Variants in GPC3 observed in about 807,000 individuals in gnomAD.
The protein encoded by GPC3 is glypican 3.
GPC3 carries 3 observed loss-of-function variants against 34.4 expected under a neutral mutation model. The ratio of observed to expected loss-of-function variants is 0.09; its 90% CI spans 0.04 to 0.23. The LOEUF (loss-of-function observed/expected upper bound fraction) is 0.23, where lower values mean the gene tolerates loss of function less well. GPC3 is among the 10% of genes least tolerant of loss of function. The pLI, the probability that GPC3 is intolerant of heterozygous loss-of-function variation, is 1.00. For synonymous variants in GPC3, 177 were observed against 174.0 expected (o/e 1.02, Z -0.13); for missense variants, 351 against 445.6 (o/e 0.79, Z 1.91).
At chrX:133,802,652 T>C (rs754778217) in intron 2 of GPC3, among the ~76,000 whole-genome samples, 3 of 112,051 alleles carry the variant, frequency 2.7e-5, no homozygotes, top group East Asian at 2.8e-4. Context: ...ATAACACATA[T>C]AAAACTGTTC....
At chrX:133,589,709 G>A (rs751481253) in intron 7 of GPC3, among the ~76,000 whole-genome samples, 3 of 111,506 alleles carry the variant, frequency 2.7e-5, no homozygotes, top group African/African-American at 3.3e-5. Context: ...ATGTGGAACC[G>A]TGAGTCCATT....
chrX:133,671,212 T>C (rs2070824000), intron 5 of GPC3: 1 of 1,176,382 alleles, frequency 8.5e-7, no homozygotes. Context: ...GCATGATTTA[T>C]GATTCCCTGG....
At chrX:133,690,497 T>G (rs2071050739) in intron 5 of GPC3, among the ~76,000 whole-genome samples, 1 of 111,186 alleles carries the variant, frequency 9.0e-6, no homozygotes, top group African/African-American at 3.3e-5. Context: ...TTCATCTGGC[T>G]CCAAAGCCTT....
rs1199238157 is a variant in GPC3 at position 133,558,940 on chromosome X, T to A, written c.1574-22647A>T. Among the ~76,000 whole-genome samples the A allele has an allele frequency of 1.4e-4, 15 of 107,246 alleles. No homozygotes were observed. The South Asian group carries it at 1.6e-3, about 11-fold the overall frequency. The allele number at this position is 107,246 out of a possible 115,157, so 93.1% of individuals were successfully genotyped here. A position where few individuals can be genotyped will look rare whatever the true frequency, so the allele number is the denominator to read the frequency against. ...ATAAATAAATAAATAAATAAATAAATAAAAATAAATGTGTCCTCATGAATA... is the reference window on the plus strand; with the variant it reads ...ATAAATAAATAAATAAATAAATAAAAAAAAATAAATGTGTCCTCATGAATA... On this transcript the variant is annotated intron_variant, in intron 7 of 7. Coordinates refer to ENST00000370818, the MANE Select transcript of GPC3 (RefSeq NM_004484.4).
chrX:133,647,677 G>C (rs1448357017), intron 6 of GPC3, among the ~76,000 whole-genome samples: 1 of 111,742 alleles, frequency 8.9e-6, no homozygotes, highest in Non-Finnish European at 1.9e-5. Flanking sequence ...TTGTGAGGCT[G>C]TCACGAAACA....
chrX:133,855,987 C>T (rs954912766), intron 2 of GPC3, among the ~76,000 whole-genome samples: 6 of 111,725 alleles, frequency 5.4e-5, no homozygotes, highest in Admixed American at 9.5e-5. Context: ...AACAGTATTC[C>T]ATCATACACA....
chrX:133,917,789 G>T (rs1384407239), intron 2 of GPC3, among the ~76,000 whole-genome samples: 1 of 111,556 alleles, frequency 9.0e-6, no homozygotes. Flanking sequence ...CTCAAATACT[G>T]CTGGTTCATC....
At chrX:133,723,729 G>A (rs950794717) in intron 3 of GPC3, among the ~76,000 whole-genome samples, 1 of 111,567 alleles carries the variant, frequency 9.0e-6, no homozygotes, top group Non-Finnish European at 1.9e-5. Context: ...TTTGCCTTCT[G>A]CCATGAGTGG....
intron 2 of GPC3, among the ~76,000 whole-genome samples, chrX:133,802,471 TG>T (rs1367372853): frequency 8.9e-6 from 1 of 111,939 alleles, no homozygotes; most frequent in Non-Finnish European, 1.9e-5. Flanking sequence ...TTTTGCCCCA[TG>T]GGAAAACTCA....
intron 7 of GPC3, among the ~76,000 whole-genome samples, chrX:133,578,552 G>T (rs958512972): frequency 3.6e-5 from 4 of 111,985 alleles, no homozygotes; most frequent in Admixed American, 9.4e-5. Context: ...CCAGGCACAT[G>T]CCTGTAGTCC....
At chrX:133,976,259 A>T (rs2124649502) in intron 1 of GPC3, among the ~76,000 whole-genome samples, 1 of 111,945 alleles carries the variant, frequency 8.9e-6, no homozygotes, top group South Asian at 3.8e-4. Flanking sequence ...TGAGTGTACA[A>T]ATATGTGTGT....
chrX:133,721,787 T>C (rs1178359031), intron 3 of GPC3, among the ~76,000 whole-genome samples: 1 of 111,755 alleles, frequency 8.9e-6, no homozygotes, highest in Non-Finnish European at 1.9e-5. Flanking sequence ...CTTCACACCA[T>C]ATACCAAAAT....
chrX:133,552,139 T>C (rs2124277541), intron 7 of GPC3, among the ~76,000 whole-genome samples: 1 of 112,461 alleles, frequency 8.9e-6, no homozygotes, highest in African/African-American at 3.2e-5. Context: ...CTATGAGAGT[T>C]TGGACAGCCA....
chrX:133,796,137 G>A (rs1179299669), intron 2 of GPC3, among the ~76,000 whole-genome samples: 1 of 109,294 alleles, frequency 9.1e-6, no homozygotes, highest in Non-Finnish European at 1.9e-5. Context: ...AGTAGAGACG[G>A]AGTTTCACCG....
At chrX:133,648,006 C>G (rs761028810) in intron 6 of GPC3, among the ~76,000 whole-genome samples, 190 of 112,174 alleles carry the variant, frequency 1.7e-3, no homozygotes, top group Non-Finnish European at 3.0e-3. Context: ...ACTGTGGGAC[C>G]TGGAGAAGCT....
Position 133,573,856 on chromosome X carries a change from T to C in GPC3, c.1573+22584A>G, listed in dbSNP as rs183389312. Among the ~76,000 whole-genome samples, 67 of 112,424 alleles carry C rather than the reference T, an allele frequency of 6.0e-4. No homozygotes were observed. In the East Asian group the frequency reaches 0.017, roughly 28 times the overall value. On this transcript the variant is annotated intron_variant, in intron 7 of 7. Transcript: ENST00000370818. ...CTGCTTGTTTTGTTCCTACTCTTTG[T>C]TCCCACTTTTTGGCTATAAACAAGT...
At chrX:133,636,052 C>T (rs1238022260) in intron 6 of GPC3, among the ~76,000 whole-genome samples, 2 of 111,260 alleles carry the variant, frequency 1.8e-5, no homozygotes, top group Non-Finnish European at 3.8e-5. Flanking sequence ...CTTACTCTGC[C>T]GTACACACTA....
At chrX:133,660,958 C>G (rs915395279) in intron 6 of GPC3, among the ~76,000 whole-genome samples, 54 of 111,172 alleles carry the variant, frequency 4.9e-4, no homozygotes, top group African/African-American at 1.7e-3. Context: ...TGCTTGAGCC[C>G]AGGAGTTTGA....
intron 2 of GPC3, among the ~76,000 whole-genome samples, chrX:133,853,176 T>C (rs1414917018): frequency 9.0e-6 from 1 of 111,458 alleles, no homozygotes; most frequent in Admixed American, 9.5e-5. Flanking sequence ...CATGTCTCAG[T>C]TGTCCCATCT....
Sources: gnomAD v4.1 joint callset for allele counts (sites outside exome capture counted in the v4.1 genomes callset) on GRCh38, gnomAD v4.1.1 for gene constraint, MANE v1.5 for transcripts, NCBI Gene and HGNC (gene_info 2026-07-23, HGNC 2026-07-21) for gene names.